The following EHMT1 variants were observed in gnomAD, a reference collection of about 807,000 sequenced individuals.
EHMT1 encodes euchromatic histone lysine methyltransferase 1.
Under a neutral mutation model 147.2 loss-of-function variants are expected in EHMT1, and 15 were observed. The observed-to-expected ratio is 0.10, with a 90% CI of 0.07 to 0.16. EHMT1 has a LOEUF of 0.16. Ranked by LOEUF, EHMT1 falls within the 10% of genes least tolerant of loss-of-function variation. The pLI is 1.00. For missense variants in EHMT1, 1,587 were observed against 1,772.4 expected (o/e 0.90, Z 1.88); for synonymous variants, 795 against 709.6 (o/e 1.12, Z -1.91).
intron 24 of EHMT1, 176 bp downstream of exon 24, chr9:137,817,701 C>T (rs951636964): frequency 2.6e-6 from 2 of 769,354 alleles, no homozygotes; most frequent in African/African-American, 3.4e-5. Context: ...GTCCTCAGTC[C>T]TCTTGCTGCT....
chr9:137,769,935 C>G (rs1950486979), intron 10 of EHMT1, among the ~76,000 whole-genome samples: 1 of 152,160 alleles, frequency 6.6e-6, no homozygotes, highest in African/African-American at 2.4e-5. Flanking sequence ...CTCCTGGGCT[C>G]AAGCAATTCT....
intron 15 of EHMT1, chr9:137,783,949 A>G: frequency 4.8e-6 from 2 of 420,874 alleles, no homozygotes; most frequent in Middle Eastern, 6.2e-4. Context: ...TTAGTCTAAC[A>G]GTCTTGGTAT....
At chr9:137,681,131 A>G (rs1274858581) in intron 1 of EHMT1, among the ~76,000 whole-genome samples, 6 of 152,228 alleles carry the variant, frequency 3.9e-5, no homozygotes, top group African/African-American at 1.4e-4. Flanking sequence ...AGGGTGTTGC[A>G]TTCCCAGCAC....
chr9:137,668,733 C>T (rs180735182), intron 1 of EHMT1, among the ~76,000 whole-genome samples: 5 of 148,364 alleles, frequency 3.4e-5, no homozygotes, highest in South Asian at 2.1e-4. Context: ...TTAGTGTTTT[C>T]TTTTTTTTTT....
intron 6 of EHMT1, among the ~76,000 whole-genome samples, chr9:137,749,010 C>G (rs972261163): frequency 2.6e-5 from 4 of 152,170 alleles, no homozygotes; most frequent in African/African-American, 9.7e-5. Context: ...GCTGGACCCT[C>G]TCCCCTCTTA....
chr9:137,767,791 C>T (rs143059197), intron 10 of EHMT1, among the ~76,000 whole-genome samples: 3 of 151,788 alleles, frequency 2.0e-5, no homozygotes, highest in South Asian at 2.1e-4. Context: ...CCAGCCTGGG[C>T]GACAGAGCAA....
intron 1 of EHMT1, among the ~76,000 whole-genome samples, chr9:137,673,677 G>C (rs1456206197): frequency 6.6e-6 from 1 of 152,256 alleles, no homozygotes; most frequent in African/African-American, 2.4e-5. Flanking sequence ...CCCTCAGGGA[G>C]GCTCTGGCCG....
intron 4 of EHMT1, among the ~76,000 whole-genome samples, chr9:137,742,331 G>A (rs1948170682): frequency 7.1e-6 from 1 of 141,260 alleles, no homozygotes; most frequent in South Asian, 2.3e-4. Flanking sequence ...GTGTGTGTGT[G>A]TAAGTAAAGG....
intron 1 of EHMT1, among the ~76,000 whole-genome samples, chr9:137,682,135 A>G (rs1321896678): frequency 6.6e-6 from 1 of 151,862 alleles, no homozygotes; most frequent in Non-Finnish European, 1.5e-5. Context: ...TTTTTAGTAG[A>G]GACGGGGTTT....
chr9:137,762,937 T>C (rs1301179225), intron 10 of EHMT1, 117 bp downstream of exon 10: 1 of 1,386,026 alleles, frequency 7.2e-7, no homozygotes, highest in East Asian at 2.4e-5. Flanking sequence ...GGCGGGAGCC[T>C]GAGTGGATTC....
chr9:137,714,927 T>G (rs911671902), intron 2 of EHMT1, among the ~76,000 whole-genome samples: 1 of 152,222 alleles, frequency 6.6e-6, no homozygotes, highest in African/African-American at 2.4e-5. Context: ...TATTTAACTT[T>G]TTTTTCAACA....
At chr9:137,754,341 T>G (rs1391947455) in intron 8 of EHMT1, 50 bp downstream of exon 8, 3 of 1,610,068 alleles carry the variant, frequency 1.9e-6, no homozygotes, top group African/African-American at 2.7e-5. Flanking sequence ...TGGGAGGGGA[T>G]GGTGCCAGGA....
intron 2 of EHMT1, 55 bp from the exon 3 acceptor site, chr9:137,716,571 T>G: frequency 6.7e-7 from 1 of 1,485,086 alleles, no homozygotes; most frequent in Non-Finnish European, 9.0e-7. Context: ...GTGGTGGTGG[T>G]GGTGCCATGG....
In EHMT1 at chr9:137,809,590, G is replaced by T. The variant is rs558192822; in HGVS notation, c.2713-1871G>T. Among the ~76,000 whole-genome samples, 4 of 152,350 alleles carry T rather than the reference G, an allele frequency of 2.6e-5. No individual in the cohort carries two copies. The East Asian group carries it at 7.7e-4, about 29-fold the overall frequency. ...TCTGGGAAGATCGCTGACCATTCCC[G>T]AGGGGAAGGAGGCTGCAGCCGGCGC... is the stretch of plus-strand genomic sequence containing the variant. On this transcript the variant is annotated intron_variant, in intron 18 of 26. Coordinates refer to ENST00000460843, the MANE Select transcript of EHMT1 (RefSeq NM_024757.5).
At position 137,816,523 on chromosome 9, in the gene EHMT1, G is replaced by A. The variant is rs140145548; in HGVS notation, c.3374+461G>A. 308 of 262,056 alleles carry A rather than the reference G, an allele frequency of 1.2e-3. 2 individuals carry two copies. Among genetic ancestry groups the A allele is most frequent in the African/African-American group, 6.4e-3 (288 of 45,130 alleles). 16.2% of individuals were successfully genotyped at this position (262,056 alleles called of 1,614,324 possible). On this transcript the variant is annotated intron_variant, in intron 23 of 26. Transcript: ENST00000460843. Reference sequence around the variant, plus strand: ...TCCTTGTTCCTGGGTTGCTCAGGACGCTCATGGAGTAAGGCTTGCCCAGCG... The same window carrying A: ...TCCTTGTTCCTGGGTTGCTCAGGACACTCATGGAGTAAGGCTTGCCCAGCG...
chr9:137,680,417 G>A (rs1043329346), intron 1 of EHMT1, among the ~76,000 whole-genome samples: 8 of 152,296 alleles, frequency 5.3e-5, no homozygotes, highest in African/African-American at 1.9e-4. Context: ...AGGTTGCAGT[G>A]GGCTGAAATT....
rs1052268951 is a variant in EHMT1, at chr9:137,834,471, C to T, written c.3663C>T (p.Phe1221=). ...TCATGGCCCACCAGGACCTGCGGTT[C>T]CCCCGGATCGCCTTCTTCAGCACCC... ...RVFMAHQDLR[F]PRIAFFSTRL... Residue 1221 remains phenylalanine (F), a synonymous_variant, in exon 26 of 27, where the codon TTC becomes TTT. Coordinates refer to ENST00000460843, the MANE Select transcript of EHMT1 (RefSeq NM_024757.5). 6 of 1,612,666 alleles carry T rather than the reference C, an allele frequency of 3.7e-6. No homozygotes were observed. The African/African-American group carries it at 6.7e-5, about 18-fold the overall frequency.
chr9:137,620,258 T>A (rs1842873726), intron 1 of EHMT1, among the ~76,000 whole-genome samples: 1 of 152,214 alleles, frequency 6.6e-6, no homozygotes, highest in African/African-American at 2.4e-5. Context: ...AAGTCACTTC[T>A]AGGCTTGTAG....
intron 1 of EHMT1, among the ~76,000 whole-genome samples, chr9:137,629,773 G>A (rs569915230): frequency 3.3e-5 from 5 of 152,082 alleles, no homozygotes; most frequent in South Asian, 2.1e-4. Context: ...CAGGTGATCC[G>A]CCCACCTCGG....
Sources: gnomAD v4.1 joint callset for allele counts (sites outside exome capture counted in the v4.1 genomes callset) on GRCh38, gnomAD v4.1.1 for gene constraint, MANE v1.5 for transcripts, NCBI Gene and HGNC (gene_info 2026-07-23, HGNC 2026-07-21) for gene names.